The following ELL2 variants were observed in gnomAD, a reference collection of about 807,000 sequenced individuals.
The protein encoded by ELL2 is elongation factor for RNA polymerase II 2.
ELL2 carries 21 observed loss-of-function variants against 72.8 expected under a neutral mutation model. That is an observed-to-expected ratio of 0.29 (90% CI 0.20 to 0.42). The LOEUF (loss-of-function observed/expected upper bound fraction) is 0.42, where lower values mean the gene tolerates loss of function less well. Among genes scored for constraint, ELL2 ranks in the 10% least tolerant of loss-of-function variants. The pLI is 1.00. For missense variants in ELL2, 568 were observed against 772.8 expected (o/e 0.73, Z 3.14); for synonymous variants, 266 against 283.2 (o/e 0.94, Z 0.61).
In ELL2 at chr5:95,888,647, T is replaced by C; in HGVS notation, c.*224A>G. 1 of 345,270 alleles carries C rather than the reference T, an allele frequency of 2.9e-6. No individual in the cohort carries two copies. The highest frequency in any genetic ancestry group is 5.1e-6 in the Non-Finnish European group (1 of 194,926). 21.4% of individuals were successfully genotyped at this position (345,270 alleles called of 1,614,324 possible). ...CAATACCTAAAAAAATTATTTCTAT[T>C]AACAAACACAAGTCTTGGGGGTGGG... On this transcript the variant is annotated 3_prime_UTR_variant, in exon 12 of 12. Coordinates refer to ENST00000237853, the MANE Select transcript of ELL2 (RefSeq NM_012081.6).
chr5:95,919,544 A>G lies in ELL2; in HGVS notation c.197T>C (p.Leu66Pro). 6.4e-7 allele frequency: 1 copy of G among 1,560,886 alleles called. No individual in the cohort carries two copies. Among genetic ancestry groups the G allele is most frequent in the East Asian group, 2.4e-5 (1 of 42,108 alleles). Residue 66 changes from leucine (L) to proline (P), a missense_variant and splice_region_variant, in exon 3 of 12, where the codon CTT becomes CCT. This residue lies in a region of ELL2 where 511 missense variants were observed against 728.4 expected (regional missense o/e 0.70). Transcript: ENST00000237853. ...PSIQFQGLHGLVKIPKNDPLN... is the reference protein window; with the variant it reads ...PSIQFQGLHGPVKIPKNDPLN... ...GGGATCATTTTTGGGAATTTTGACA[A>G]GCTAAAATGAGGGGAAAAGAGAGAA...
chr5:95,926,391 T>C (rs964620457), intron 2 of ELL2, among the ~76,000 whole-genome samples: 1 of 152,108 alleles, frequency 6.6e-6, no homozygotes, highest in Non-Finnish European at 1.5e-5. Flanking sequence ...ATGATAGCTA[T>C]TTTACTGAAG....
chr5:95,953,174 C>G (rs2112359396), intron 1 of ELL2, among the ~76,000 whole-genome samples: 1 of 152,282 alleles, frequency 6.6e-6, no homozygotes, highest in Admixed American at 6.5e-5. Flanking sequence ...TTGCCTGCTT[C>G]TACTAAAATG....
At chr5:95,907,294 A>ATT (rs201354039) in intron 4 of ELL2, among the ~76,000 whole-genome samples, 1 of 79,558 alleles carries the variant, frequency 1.3e-5, no homozygotes, top group African/African-American at 6.6e-5. Flanking sequence ...ATATATATAT[A>ATT]TATTTTTTTT....
chr5:95,913,617 G>A, intron 4 of ELL2, 154 bp downstream of exon 4: 1 of 790,268 alleles, frequency 1.3e-6, no homozygotes. Context: ...AGTCTGAAGA[G>A]AACAAATAAC....
chr5:95,895,547 T>C, intron 9 of ELL2, 81 bp downstream of exon 9: 1 of 1,366,168 alleles, frequency 7.3e-7, no homozygotes, highest in South Asian at 1.2e-5. Flanking sequence ...CTTACTTTTC[T>C]GATTTGCAAA....
At chr5:95,943,164 T>TA in intron 1 of ELL2, 115 bp from the exon 2 acceptor site, 2 of 723,620 alleles carry the variant, frequency 2.8e-6, no homozygotes, top group South Asian at 5.4e-5. Flanking sequence ...CTCATGACTC[T>TA]AATCCCAGCA....
intron 1 of ELL2, among the ~76,000 whole-genome samples, chr5:95,955,725 T>C (rs1751604559): frequency 1.3e-5 from 2 of 152,156 alleles, no homozygotes; most frequent in Non-Finnish European, 2.9e-5. Context: ...CAGTCAGATG[T>C]TGGGTTATAT....
At chr5:95,957,568 T>G (rs1264501248) in intron 1 of ELL2, among the ~76,000 whole-genome samples, 3 of 152,222 alleles carry the variant, frequency 2.0e-5, no homozygotes, top group African/African-American at 4.8e-5. Context: ...ACAATCAACT[T>G]GAAACCATTT....
chr5:95,949,013 A>G (rs2112354918), intron 1 of ELL2, among the ~76,000 whole-genome samples: 1 of 152,352 alleles, frequency 6.6e-6, no homozygotes, highest in Non-Finnish European at 1.5e-5. Flanking sequence ...ATAGTAGTAT[A>G]GGCAATGCTA....
intron 1 of ELL2, among the ~76,000 whole-genome samples, chr5:95,950,455 G>A (rs1232479053): frequency 6.6e-6 from 1 of 152,126 alleles, no homozygotes; most frequent in African/African-American, 2.4e-5. Flanking sequence ...AAATCAGACA[G>A]TTGATCCTGA....
intron 9 of ELL2, among the ~76,000 whole-genome samples, chr5:95,893,123 A>C (rs1276460144): frequency 6.6e-6 from 1 of 152,178 alleles, no homozygotes; most frequent in Non-Finnish European, 1.5e-5. Flanking sequence ...TCCTTAGGGA[A>C]ATTATTCAAT....
In ELL2 at chr5:95,927,450, T is replaced by TAC. The variant is rs752935134; in HGVS notation, c.196-7907_196-7906dup. ...ACACACACACGTGTGTATATAGACA[T>TAC]ACACACACACGTGTGTATATAGACA... On this transcript the variant is annotated intron_variant, in intron 2 of 11. Coordinates refer to ENST00000237853, the MANE Select transcript of ELL2 (RefSeq NM_012081.6). 8.3e-4 allele frequency among the ~76,000 whole-genome samples: 19 copies of TAC among 22,960 alleles called. 3 individuals are homozygous for TAC. The highest frequency in any genetic ancestry group is 8.7e-4 in the African/African-American group (2 of 2,290). 15.1% of individuals were successfully genotyped at this position (22,960 alleles called of 152,430 possible).
At chr5:95,906,898 G>C in intron 4 of ELL2, 116 bp from the exon 5 acceptor site, 5 of 1,081,190 alleles carry the variant, frequency 4.6e-6, no homozygotes, top group Non-Finnish European at 5.0e-6. Context: ...AATAATAAAG[G>C]CCACTTTATT....
chr5:95,891,219 T>C lies in ELL2; in HGVS notation c.1645A>G (p.Asn549Asp). The C allele has an allele frequency of 6.2e-7, 1 of 1,614,176 alleles. No individual in the cohort carries two copies. Among genetic ancestry groups the C allele is most frequent in the Non-Finnish European group, 8.5e-7 (1 of 1,180,030 alleles). The change falls in exon 10 of 12, where the codon AAT becomes GAT. Residue 549 changes from asparagine to aspartate, a missense_variant. Around this residue, in one of 2 missense-constraint regions of ELL2, gnomAD observed 511 missense variants for 728.4 expected, o/e 0.70. Coordinates refer to ENST00000237853, the MANE Select transcript of ELL2 (RefSeq NM_012081.6). The part of the protein sequence containing the change: ...EQRQNYKDDF[N>D]AEYDEYRALH... ...GCTCTGTACTCATCATACTCTGCAT[T>C]GAAGTCATCCTTATAATTCTGGCGT...
intron 4 of ELL2, among the ~76,000 whole-genome samples, chr5:95,913,172 T>C (rs1174965322): frequency 6.6e-6 from 1 of 152,008 alleles, no homozygotes; most frequent in African/African-American, 2.4e-5. Flanking sequence ...ATGATGGGGG[T>C]CGGATAGGGT....
intron 2 of ELL2, among the ~76,000 whole-genome samples, chr5:95,926,520 A>G (rs748645951): frequency 3.9e-5 from 6 of 152,206 alleles, no homozygotes; most frequent in Non-Finnish European, 7.3e-5. Context: ...TTCAGGAAAA[A>G]TAAGTCCATT....
rs776500796 is a variant in ELL2, at chr5:95,961,599, C to T, written c.123G>A (p.Ala41=). 2.5e-6 allele frequency: 4 copies of T among 1,604,724 alleles called. No homozygotes were observed. In the South Asian group the frequency reaches 4.4e-5, roughly 18 times the overall value. ...HVKLTETAIR[A]LETYQSHKNL... Reference sequence around the variant, plus strand: ...CCTTGTGGCTCTGGTAAGTCTCGAGCGCCCGGATCGCCGTCTCGGTGAGCT... The same window carrying T: ...CCTTGTGGCTCTGGTAAGTCTCGAGTGCCCGGATCGCCGTCTCGGTGAGCT... The change falls in exon 1 of 12, where the codon GCG becomes GCA. Residue 41 remains alanine (A), a synonymous_variant. Coordinates refer to ENST00000237853, the MANE Select transcript of ELL2 (RefSeq NM_012081.6).
chr5:95,886,661 A>G lies in ELL2; in HGVS notation c.*2210T>C, dbSNP rs79563493. 1.4e-5 allele frequency: 2 copies of G among 144,102 alleles called. No individual in the cohort carries two copies. 8.9% of individuals were successfully genotyped at this position (144,102 alleles called of 1,614,324 possible). On this transcript the variant is annotated 3_prime_UTR_variant, in exon 12 of 12. Transcript: ENST00000237853. The stretch of plus-strand genomic sequence containing the variant: ...GCACCTGCTGACATGATGGACATTA[A>G]AAAAAAAAAAAAGCCAATAGTTGAC...
Sources: gnomAD v4.1 joint callset for allele counts (sites outside exome capture counted in the v4.1 genomes callset) on GRCh38, gnomAD v4.1.1 for gene constraint, gnomAD v4.1.1 regional missense constraint, MANE v1.5 for transcripts, NCBI Gene and HGNC (gene_info 2026-07-23, HGNC 2026-07-21) for gene names.